The following RAD17 variants were observed in gnomAD, a reference collection of about 807,000 sequenced individuals.
The protein encoded by RAD17 is cell cycle checkpoint protein RAD17.
In RAD17, 31 loss-of-function variants were observed where a neutral mutation model predicts 81.5. The ratio of observed to expected loss-of-function variants is 0.38; its 90% CI spans 0.29 to 0.51. The LOEUF (loss-of-function observed/expected upper bound fraction) is 0.51. Ranked by LOEUF, RAD17 falls within the 20% of genes least tolerant of loss-of-function variation. The probability of loss-of-function intolerance (pLI) is 0.88; values close to 1 mark genes in which losing one functional copy is unlikely to be tolerated. For synonymous variants in RAD17, 261 were observed against 266.2 expected (o/e 0.98, Z 0.19); for missense variants, 681 against 781.2 (o/e 0.87, Z 1.53).
At chr5:69,370,455 T>G (rs956713376) in intron 1 of RAD17, among the ~76,000 whole-genome samples, 1 of 152,154 alleles carries the variant, frequency 6.6e-6, no homozygotes, top group African/African-American at 2.4e-5. Context: ...TTCTCCTGCC[T>G]TAGCCTCCAG....
upstream of RAD17, chr5:69,369,520 C>A (rs200902755): frequency 7.6e-4 from 1,223 of 1,611,138 alleles, 14 homozygotes; most frequent in South Asian, 0.012. Flanking sequence ...TCGGGCGCCT[C>A]GCTCACGTGC....
Position 69,384,835 on chromosome 5 carries a change from G to C in RAD17, c.547G>C (p.Ala183Pro). ...FHMFPYQSQI[A>P]VFKEFLLRAT... ...TATGTTTCCCTATCAGTCTCAGATA[G>C]CAGTTTTCAAAGAGTTTCTACTAAG... Residue 183 changes from alanine to proline, a missense_variant, in exon 8 of 19, where the codon GCA becomes CCA. Transcript: ENST00000354868. The C allele has an allele frequency of 6.2e-7, 1 of 1,612,086 alleles. No individual in the cohort carries two copies. Among genetic ancestry groups the C allele is most frequent in the Non-Finnish European group, 8.5e-7 (1 of 1,178,516 alleles).
At chr5:69,399,998 T>A in intron 16 of RAD17, 51 bp from the exon 17 acceptor site, 2 of 1,259,238 alleles carry the variant, frequency 1.6e-6, no homozygotes, top group Non-Finnish European at 2.2e-6. Flanking sequence ...TAGGAATACA[T>A]ATTTTTAATT....
At chr5:69,396,260 A>G (rs1384394833) in intron 15 of RAD17, 137 bp from the exon 16 acceptor site, 12 of 848,536 alleles carry the variant, frequency 1.4e-5, no homozygotes, top group Non-Finnish European at 2.0e-5. Flanking sequence ...TAGTGCTGTT[A>G]TTTATAGGGC....
At chr5:69,411,283 T>C (rs1657383099) in intron 18 of RAD17, among the ~76,000 whole-genome samples, 1 of 151,786 alleles carries the variant, frequency 6.6e-6, no homozygotes, top group African/African-American at 2.4e-5. Flanking sequence ...TGGTGGCACA[T>C]GCCTGTAATC....
intron 18 of RAD17, among the ~76,000 whole-genome samples, chr5:69,411,701 G>A (rs1766015796): frequency 6.6e-6 from 1 of 152,214 alleles, no homozygotes; most frequent in Non-Finnish European, 1.5e-5. Context: ...TGTGATCAGG[G>A]CTTACACATT....
rs894283617 is a variant in RAD17 at position 69,403,809 on chromosome 5, T to A, written c.1693+3640T>A. Reference sequence around the variant, plus strand: ...TGTGGCTTGCACCTGTAGTCCCAGCTACTCGGGAGGCTGAAGTAAGGGGAT... The same window carrying A: ...TGTGGCTTGCACCTGTAGTCCCAGCAACTCGGGAGGCTGAAGTAAGGGGAT... On this transcript the variant is annotated intron_variant, in intron 17 of 18. Coordinates refer to ENST00000354868, the MANE Select transcript of RAD17 (RefSeq NM_133338.3). Among the ~76,000 whole-genome samples the A allele has an allele frequency of 2.0e-5, 3 of 152,118 alleles. No homozygotes were observed. The East Asian group carries it at 5.8e-4, about 29-fold the overall frequency.
chr5:69,376,327 G>A (rs2150774513), intron 6 of RAD17, among the ~76,000 whole-genome samples: 1 of 152,296 alleles, frequency 6.6e-6, no homozygotes, highest in Middle Eastern at 3.4e-3. Context: ...GAGTTGTACA[G>A]TAGTGACTTT....
In RAD17 at chr5:69,414,426, A is replaced by G. The variant is rs1464501915; in HGVS notation, c.*134A>G. ...TAATTCTTCATTCTTGTAGTATTTC[A>G]TCACAAGAAACCTACTCTTCTGTCA... On this transcript the variant is annotated 3_prime_UTR_variant, in exon 19 of 19. Transcript: ENST00000354868. The G allele has an allele frequency of 4.1e-5, 42 of 1,036,686 alleles. No homozygotes were observed. The highest frequency in any genetic ancestry group is 5.1e-5 in the Non-Finnish European group (37 of 726,320). The allele number at this position is 1,036,686 out of a possible 1,614,324, so 64.2% of individuals were successfully genotyped here. A position where few individuals can be genotyped will look rare whatever the true frequency, so the allele number is the denominator to read the frequency against.
chr5:69,373,073 G>A (rs149415572), intron 4 of RAD17, among the ~76,000 whole-genome samples: 1 of 152,278 alleles, frequency 6.6e-6, no homozygotes, highest in African/African-American at 2.4e-5. Context: ...AGCTGATACG[G>A]ATTATTTGGA....
At chr5:69,405,616 A>G (rs571224332) in intron 17 of RAD17, among the ~76,000 whole-genome samples, 10 of 151,940 alleles carry the variant, frequency 6.6e-5, no homozygotes, top group African/African-American at 2.4e-4. Context: ...GCAGTGAGCC[A>G]CGATCACGCC....
At chr5:69,389,581 A>AG (rs17230013) in intron 12 of RAD17, among the ~76,000 whole-genome samples, 1 of 38,436 alleles carries the variant, frequency 2.6e-5, no homozygotes, top group Non-Finnish European at 5.5e-5. Flanking sequence ...TTAAGTGTTC[A>AG]TAAATGGCCA....
intron 17 of RAD17, among the ~76,000 whole-genome samples, chr5:69,406,608 C>A (rs1356531638): frequency 2.0e-5 from 3 of 151,912 alleles, no homozygotes; most frequent in Non-Finnish European, 4.4e-5. Flanking sequence ...CCCAAGTGAT[C>A]CTCCTACCTC....
intron 17 of RAD17, among the ~76,000 whole-genome samples, chr5:69,408,208 A>G (rs1013861132): frequency 7.0e-6 from 1 of 142,000 alleles, no homozygotes; most frequent in Non-Finnish European, 1.6e-5. Flanking sequence ...GTTGAAAACT[A>G]GATGTTTTAG....
At chr5:69,371,867 A>G (rs2150760603) in intron 3 of RAD17, among the ~76,000 whole-genome samples, 167 bp from the exon 4 acceptor site, 1 of 152,328 alleles carries the variant, frequency 6.6e-6, no homozygotes, top group Middle Eastern at 3.4e-3. Flanking sequence ...TCTTAGAAGT[A>G]ATGTAATTCA....
Position 69,371,479 on chromosome 5 carries a change from A to T in RAD17, c.-254A>T. On this transcript the variant is annotated 5_prime_UTR_variant, in exon 3 of 19. The change creates a new upstream start codon in the 5' untranslated region. Transcript: ENST00000354868. The stretch of plus-strand genomic sequence containing the variant: ...GTGAATTATAGTTTAATGTACTGCA[A>T]GTCCTAAACTACGGATGGGAACTAT... The T allele has an allele frequency of 1.2e-6, 1 of 838,844 alleles. No individual in the cohort carries two copies. The highest frequency in any genetic ancestry group is 1.6e-6 in the Non-Finnish European group (1 of 609,850). The allele number at this position is 838,844 out of a possible 1,614,324, so 52.0% of individuals were successfully genotyped here.
chr5:69,407,827 C>T (rs4552557), intron 17 of RAD17, among the ~76,000 whole-genome samples: 2,377 of 152,264 alleles, frequency 0.016, 59 homozygotes, highest in East Asian at 0.11. Context: ...GCTGGGATTA[C>T]AAGCATGAGC....
chr5:69,405,955 T>C (rs1765576209), intron 17 of RAD17, among the ~76,000 whole-genome samples: 1 of 151,662 alleles, frequency 6.6e-6, no homozygotes, highest in Non-Finnish European at 1.5e-5. Context: ...GGCAGGAGAA[T>C]TGCTTGAATC....
intron 12 of RAD17, among the ~76,000 whole-genome samples, chr5:69,391,303 A>G (rs1020241277): frequency 2.0e-5 from 3 of 152,220 alleles, no homozygotes; most frequent in African/African-American, 7.2e-5. Flanking sequence ...ACATGCCAAG[A>G]ACAGTATCTT....
Sources: gnomAD v4.1 joint callset for allele counts (sites outside exome capture counted in the v4.1 genomes callset) on GRCh38, gnomAD v4.1.1 for gene constraint, MANE v1.5 for transcripts, NCBI Gene and HGNC (gene_info 2026-07-23, HGNC 2026-07-21) for gene names.